The following CYP27C1 variants were observed in gnomAD, a reference collection of about 807,000 sequenced individuals.
CYP27C1 encodes cytochrome P450 27C1.
Under a neutral mutation model 40.6 loss-of-function variants are expected in CYP27C1, and 29 were observed. That is an observed-to-expected ratio of 0.71 (90% CI 0.53 to 0.97). The LOEUF (loss-of-function observed/expected upper bound fraction) is 0.97, where lower values mean the gene tolerates loss of function less well. CYP27C1 is among the 50% of genes least tolerant of loss of function. CYP27C1 has a pLI of 0.00. For missense variants in CYP27C1, 390 were observed against 485.8 expected, an observed-to-expected ratio of 0.80 and a Z score of 1.85; for synonymous variants, 198 against 186.8, an observed-to-expected ratio of 1.06 and a Z score of -0.49.
chr2:127,183,999 A>G lies in CYP27C1; in HGVS notation c.*3272T>C, dbSNP rs1573884923. 1.3e-5 allele frequency: 2 copies of G among 152,382 alleles called. No homozygotes were observed. The highest frequency in any genetic ancestry group is 3.8e-4 in the East Asian group (2 of 5,202). The allele number at this position is 152,382 out of a possible 1,614,324, so 9.4% of individuals were successfully genotyped here. A position where few individuals can be genotyped will look rare whatever the true frequency, so the allele number is the denominator to read the frequency against. On this transcript the variant is annotated 3_prime_UTR_variant, in exon 9 of 9. Coordinates refer to ENST00000664447, the MANE Select transcript of CYP27C1 (RefSeq NM_001367502.1). This position sits in a 1 kb window ranked among gnomAD's most constrained non-coding sequence, Gnocchi z 5.1. ...AGCCTCCCCACCTTCCCACACACAC[A>G]ATACCCACCTCCTGCAGCAAGCTGG...
chr2:127,210,125 G>C (rs1683308044), intron 1 of CYP27C1, among the ~76,000 whole-genome samples: 1 of 152,172 alleles, frequency 6.6e-6, no homozygotes, highest in Non-Finnish European at 1.5e-5. Flanking sequence ...AGGAAGGCCA[G>C]GTCACCTACA....
In CYP27C1 at chr2:127,195,302, C is replaced by T; in HGVS notation, c.1214+33G>A. On this transcript the variant is annotated intron_variant, in intron 6 of 8. Coordinates refer to ENST00000664447, the MANE Select transcript of CYP27C1 (RefSeq NM_001367502.1). This position sits in a 1 kb window ranked among gnomAD's most constrained non-coding sequence, Gnocchi z 6.2. ...TAGAGAACCAGGGACCTAAGGGACACAGTTTGTTGACGGATTCTGGCGAGC... is the reference window on the plus strand; with the variant it reads ...TAGAGAACCAGGGACCTAAGGGACATAGTTTGTTGACGGATTCTGGCGAGC... 3 of 1,613,330 alleles carry T rather than the reference C, an allele frequency of 1.9e-6. No individual in the cohort carries two copies. Among genetic ancestry groups the T allele is most frequent in the Non-Finnish European group, 2.5e-6 (3 of 1,179,592 alleles).
chr2:127,196,311 C>T lies in CYP27C1; in HGVS notation c.1048-810G>A, dbSNP rs566711974. 2.6e-5 allele frequency among the ~76,000 whole-genome samples: 4 copies of T among 151,932 alleles called. No individual in the cohort carries two copies. Among genetic ancestry groups the T allele is most frequent in the South Asian group, 2.1e-4 (1 of 4,806 alleles). ...TCCTGACCTTGTGATCTGCCCACCT[C>T]GGGTCTCCCAAAGTGCTGGGATTAC... On this transcript the variant is annotated intron_variant, in intron 5 of 8. Transcript: ENST00000664447. This position sits in a 1 kb window ranked among gnomAD's most constrained non-coding sequence, Gnocchi z 4.5.
Position 127,201,884 on chromosome 2 carries a change from G to A in CYP27C1, c.674-553C>T, listed in dbSNP as rs1182726598. 1.3e-5 allele frequency among the ~76,000 whole-genome samples: 2 copies of A among 152,198 alleles called. No homozygotes were observed. Among genetic ancestry groups the A allele is most frequent in the Non-Finnish European group, 1.5e-5 (1 of 68,032 alleles). ...AGCCCAGGCCTGGAGAGCTAAAGGC[G>A]CAGCAGAAGTGGCCTGGATGAATCC... On this transcript the variant is annotated intron_variant, in intron 3 of 8. Coordinates refer to ENST00000664447, the MANE Select transcript of CYP27C1 (RefSeq NM_001367502.1). The surrounding 1 kb of genome is among the most constrained non-coding windows in gnomAD (Gnocchi z 6.0).
Position 127,200,397 on chromosome 2 carries a change from T to C in CYP27C1, c.883+725A>G, listed in dbSNP as rs1202416903. On this transcript the variant is annotated intron_variant, in intron 4 of 8. Coordinates refer to ENST00000664447, the MANE Select transcript of CYP27C1 (RefSeq NM_001367502.1). The surrounding 1 kb of genome is among the most constrained non-coding windows in gnomAD (Gnocchi z 4.2). The stretch of plus-strand genomic sequence containing the variant: ...TTTATTTTTGGCAATGCTTTTATAG[T>C]AAAAATTTTAGTCACATAAGAAAAC... Among the ~76,000 whole-genome samples the C allele has an allele frequency of 1.3e-5, 2 of 152,234 alleles. No homozygotes were observed. Among genetic ancestry groups the C allele is most frequent in the Non-Finnish European group, 2.9e-5 (2 of 68,042 alleles).
chr2:127,205,200 C>G (rs1307784685), intron 2 of CYP27C1, among the ~76,000 whole-genome samples: 1 of 152,200 alleles, frequency 6.6e-6, no homozygotes, highest in Non-Finnish European at 1.5e-5. Flanking sequence ...TTATTTCCCC[C>G]AGGACGGAAA....
At chr2:127,190,671 G>A (rs1057222985) in intron 8 of CYP27C1, among the ~76,000 whole-genome samples, 7 of 150,558 alleles carry the variant, frequency 4.6e-5, no homozygotes, top group Non-Finnish European at 1.0e-4. Context: ...CATGGGCCAA[G>A]CGTGCTGGCT....
At position 127,193,200 on chromosome 2, in the gene CYP27C1, T is replaced by A. The variant is rs199833341; in HGVS notation, c.1391A>T (p.Asp464Val). ...TCCAAAATTGTCAACTCTATCTAAG[T>A]CTCCTTTCCGCAGCCAGCGCTCAGG... ...FRPERWLRKG[D>V]LDRVDNFGSI... Residue 464 changes from aspartate (D) to valine (V), a missense_variant, in exon 8 of 9, where the codon GAC (aspartate) becomes GTC (valine). Transcript: ENST00000664447. The A allele has an allele frequency of 6.2e-7, 1 of 1,613,988 alleles. No individual in the cohort carries two copies. Among genetic ancestry groups the A allele is most frequent in the Non-Finnish European group, 8.5e-7 (1 of 1,180,030 alleles).
In CYP27C1 at chr2:127,201,232, C is replaced by A; in HGVS notation, c.773G>T (p.Ser258Ile). ...TGCATACATGGAGGTCTTGAACATG[C>A]TAAACATGAGCTCCAGGGCCTCGAT... ...EYIEALELMF[S>I]MFKTSMYAGA... Residue 258 changes from serine (S) to isoleucine (I), a missense_variant, in exon 4 of 9, where the codon AGC becomes ATC. Coordinates refer to ENST00000664447, the MANE Select transcript of CYP27C1 (RefSeq NM_001367502.1). This position sits in a 1 kb window ranked among gnomAD's most constrained non-coding sequence, Gnocchi z 6.0. The A allele has an allele frequency of 6.2e-7, 1 of 1,613,040 alleles. No individual in the cohort carries two copies.
In CYP27C1 at chr2:127,187,209, C is replaced by A. The variant is rs1205209559; in HGVS notation, c.*62G>T. On this transcript the variant is annotated 3_prime_UTR_variant, in exon 9 of 9. Coordinates refer to ENST00000664447, the MANE Select transcript of CYP27C1 (RefSeq NM_001367502.1). ...CCTTCTCCACGGTGATCAGCGAACA[C>A]AAATACCCACTGTGTGTCGGCGAGC... 8.7e-6 allele frequency: 12 copies of A among 1,385,598 alleles called. No individual in the cohort carries two copies. Among genetic ancestry groups the A allele is most frequent in the Non-Finnish European group, 1.0e-5 (10 of 974,912 alleles). 85.8% of individuals were successfully genotyped at this position (1,385,598 alleles called of 1,614,324 possible).
In CYP27C1 at chr2:127,199,390, C is replaced by A. The variant is rs1450557211; in HGVS notation, c.1033G>T (p.Ala345Ser). 6.2e-7 allele frequency: 1 copy of A among 1,614,078 alleles called. No homozygotes were observed. The highest frequency in any genetic ancestry group is 2.2e-5 in the East Asian group (1 of 44,882). The change falls in exon 5 of 9, where the codon GCC becomes TCC. Residue 345 changes from alanine to serine, a missense_variant. Transcript: ENST00000664447. ...IYANVTEMLLAGVDTTSFTLS... is the reference protein window; with the variant it reads ...IYANVTEMLLSGVDTTSFTLS... ...CCCAGACTCACCGTGTCGACGCCGG[C>A]CAGCAGCATCTCAGTCACGTTGGCG...
In CYP27C1 at chr2:127,211,369, G is replaced by GTT. The variant is rs371826841; in HGVS notation, c.283-5281_283-5280dup. Among the ~76,000 whole-genome samples the GTT allele has an allele frequency of 1.1e-3, 101 of 94,964 alleles. 1 individual carries two copies. The highest frequency in any genetic ancestry group is 1.4e-3 in the Non-Finnish European group (66 of 48,108). 62.3% of individuals were successfully genotyped at this position (94,964 alleles called of 152,430 possible). ...GATACAGCTAAAGCAGTGTTTTTTT[G>GTT]TTTTTTTTTTTTTTTTTTTTTTTTT... On this transcript the variant is annotated intron_variant, in intron 1 of 8. Transcript: ENST00000664447.
At position 127,193,775 on chromosome 2, in the gene CYP27C1, G is replaced by A. The variant is rs1476451170; in HGVS notation, c.1293+14C>T. ...ACCCGCAAGGCCTGGCCACCCCCAT[G>A]GCCCCAAACTCACGCCTTTCGGAAT... On this transcript the variant is annotated intron_variant, in intron 7 of 8. Coordinates refer to ENST00000664447, the MANE Select transcript of CYP27C1 (RefSeq NM_001367502.1). 1 of 1,614,030 alleles carries A rather than the reference G, an allele frequency of 6.2e-7. No individual in the cohort carries two copies. Among genetic ancestry groups the A allele is most frequent in the Non-Finnish European group, 8.5e-7 (1 of 1,180,024 alleles).
At chr2:127,217,510 A>G (rs1683453891) in intron 1 of CYP27C1, among the ~76,000 whole-genome samples, 2 of 152,224 alleles carry the variant, frequency 1.3e-5, no homozygotes, top group Non-Finnish European at 1.5e-5. Flanking sequence ...CGGATGAGAA[A>G]ACTGAGGTGC....
intron 1 of CYP27C1, among the ~76,000 whole-genome samples, chr2:127,216,510 T>C (rs978387757): frequency 4.6e-5 from 7 of 152,264 alleles, no homozygotes; most frequent in East Asian, 1.9e-4. Flanking sequence ...AATCTATAGA[T>C]ACAGAAAGTA....
chr2:127,198,912 G>A (rs1682967224), intron 5 of CYP27C1, among the ~76,000 whole-genome samples: 1 of 152,192 alleles, frequency 6.6e-6, no homozygotes, highest in Admixed American at 6.5e-5. Context: ...CATACACAGA[G>A]TTTTCTCCTC....
Position 127,208,276 on chromosome 2 carries a change from A to C in CYP27C1, c.283-2186T>G, listed in dbSNP as rs1261353988. 2.0e-5 allele frequency among the ~76,000 whole-genome samples: 3 copies of C among 152,198 alleles called. No homozygotes were observed. In the East Asian group the frequency reaches 5.8e-4, roughly 29 times the overall value. On this transcript the variant is annotated intron_variant, in intron 1 of 8. Coordinates refer to ENST00000664447, the MANE Select transcript of CYP27C1 (RefSeq NM_001367502.1). This position sits in a 1 kb window ranked among gnomAD's most constrained non-coding sequence, Gnocchi z 5.2. Reference sequence around the variant, plus strand: ...GTGCAGTGGCCCACCTGGAAGCCACACGGGGAAGGGAACCCACTCCCCCCA... The same window carrying C: ...GTGCAGTGGCCCACCTGGAAGCCACCCGGGGAAGGGAACCCACTCCCCCCA...
chr2:127,193,371 T>C (rs1232031467), intron 7 of CYP27C1, 74 bp from the exon 8 acceptor site: 6 of 1,576,834 alleles, frequency 3.8e-6, no homozygotes, highest in Admixed American at 1.7e-5. Context: ...CCCAGAGCCC[T>C]AGCCGGACAG....
chr2:127,193,875 A>G lies in CYP27C1; in HGVS notation c.1215-8T>C. On this transcript the variant is annotated splice_region_variant and splice_polypyrimidine_tract_variant and intron_variant, in intron 6 of 8. Transcript: ENST00000664447. The stretch of plus-strand genomic sequence containing the variant: ...GGCAGCACTGGAAACAGCCTGGAAA[A>G]GAGCCAGCGGGGACGGGAATGGCGT... 2.5e-6 allele frequency: 4 copies of G among 1,614,180 alleles called. No individual in the cohort carries two copies. Among genetic ancestry groups the G allele is most frequent in the Non-Finnish European group, 3.4e-6 (4 of 1,180,022 alleles).
Sources: allele counts gnomAD v4.1 joint callset (sites outside exome capture counted in the v4.1 genomes callset), GRCh38; gene constraint gnomAD v4.1.1; non-coding constraint Gnocchi (gnomAD v3.1); transcripts MANE v1.5; gene names NCBI Gene and HGNC (gene_info 2026-07-23, HGNC 2026-07-21).